Variants in EYA1 observed in about 807,000 individuals in gnomAD.
EYA1 encodes EYA transcriptional coactivator and phosphatase 1, also known as protein phosphatase EYA1.
In EYA1, 16 loss-of-function variants were observed where a neutral mutation model predicts 82.0. That is an observed-to-expected ratio of 0.20 (90% CI 0.13 to 0.30). The LOEUF (loss-of-function observed/expected upper bound fraction) is 0.30, where lower values mean the gene tolerates loss of function less well. Among genes scored for constraint, EYA1 ranks in the 10% least tolerant of loss-of-function variants. The pLI is 1.00. For missense variants in EYA1, 633 were observed against 730.7 expected (o/e 0.87, Z 1.54); for synonymous variants, 261 against 264.4 (o/e 0.99, Z 0.12).
At chr8:71,286,852 G>A (rs939152717) in intron 9 of EYA1, among the ~76,000 whole-genome samples, 3 of 147,616 alleles carry the variant, frequency 2.0e-5, no homozygotes, top group Non-Finnish European at 4.5e-5. Flanking sequence ...ATGCAGGCTG[G>A]AGTGCAGTGG....
At chr8:71,498,914 ACATCCTCCTGAGGAAGG>A (rs1811611198) in intron 2 of EYA1, among the ~76,000 whole-genome samples, 1 of 152,170 alleles carries the variant, frequency 6.6e-6, no homozygotes, top group Non-Finnish European at 1.5e-5. Flanking sequence ...TGAACTGCAA[ACATCCTCCTGAGGAAGG>A]CATCCATTAA....
chr8:71,397,356 A>G (rs1050546811), intron 2 of EYA1, among the ~76,000 whole-genome samples: 3 of 152,168 alleles, frequency 2.0e-5, no homozygotes, highest in Non-Finnish European at 4.4e-5. Context: ...TATTTTGCTC[A>G]TTAGTTGATG....
At chr8:71,491,907 A>AT (rs997516979) in intron 2 of EYA1, among the ~76,000 whole-genome samples, 76 of 148,980 alleles carry the variant, frequency 5.1e-4, no homozygotes, top group Non-Finnish European at 5.8e-4. Flanking sequence ...TAAAATGTAG[A>AT]TTTTTTTTTT....
At chr8:71,364,918 G>A (rs1195868258), upstream of EYA1, among the ~76,000 whole-genome samples, 1 of 117,998 alleles carries the variant, frequency 8.5e-6, no homozygotes, top group African/African-American at 3.3e-5. Flanking sequence ...TTAAGGGCAT[G>A]ATCAAAAAAA....
At chr8:71,429,231 G>T (rs1445677422) in intron 2 of EYA1, among the ~76,000 whole-genome samples, 1 of 152,158 alleles carries the variant, frequency 6.6e-6, no homozygotes, top group Non-Finnish European at 1.5e-5. Context: ...TGAAGGAGTA[G>T]AAAATATTTT....
chr8:71,295,087 C>T (rs1819456293), intron 9 of EYA1, among the ~76,000 whole-genome samples: 1 of 152,102 alleles, frequency 6.6e-6, no homozygotes. Flanking sequence ...AAAATTAATT[C>T]AAAATGTGTC....
chr8:71,475,277 A>G (rs1809569393), intron 2 of EYA1, among the ~76,000 whole-genome samples: 1 of 152,216 alleles, frequency 6.6e-6, no homozygotes, highest in Non-Finnish European at 1.5e-5. Context: ...TACGTGCATG[A>G]AAATGTTCCG....
At chr8:71,433,249 A>T (rs888775128) in intron 2 of EYA1, among the ~76,000 whole-genome samples, 3 of 152,226 alleles carry the variant, frequency 2.0e-5, no homozygotes, top group Non-Finnish European at 2.9e-5. Flanking sequence ...TGTTTTGCAC[A>T]TAGGAAAAGG....
chr8:71,225,157 C>T, intron 12 of EYA1: 1 of 451,432 alleles, frequency 2.2e-6, no homozygotes, highest in Non-Finnish European at 4.5e-6. Flanking sequence ...CTTACTGATG[C>T]AGAACAGCAT....
At chr8:71,286,320 G>GT (rs1242226622) in intron 9 of EYA1, among the ~76,000 whole-genome samples, 1 of 152,210 alleles carries the variant, frequency 6.6e-6, no homozygotes, top group Non-Finnish European at 1.5e-5. Flanking sequence ...AAAACAGCAA[G>GT]TGTCACAAGA....
intron 2 of EYA1, among the ~76,000 whole-genome samples, chr8:71,398,159 T>C (rs928140124): frequency 9.2e-5 from 14 of 152,188 alleles, no homozygotes; most frequent in African/African-American, 3.4e-4. Flanking sequence ...TAAGGACTTC[T>C]CTACACTGTT....
intron 2 of EYA1, among the ~76,000 whole-genome samples, chr8:71,355,238 G>A (rs988191518): frequency 1.3e-5 from 2 of 152,114 alleles, no homozygotes; most frequent in African/African-American, 2.4e-5. Flanking sequence ...TACAGTCATC[G>A]TTGTCTTTTT....
At chr8:71,393,251 C>T (rs981446352) in intron 2 of EYA1, among the ~76,000 whole-genome samples, 2 of 151,832 alleles carry the variant, frequency 1.3e-5, no homozygotes, top group Non-Finnish European at 2.9e-5. Context: ...CATATAGATT[C>T]TATCTGTATT....
chr8:71,319,113 T>C (rs764280458), intron 6 of EYA1, among the ~76,000 whole-genome samples: 8 of 149,542 alleles, frequency 5.3e-5, no homozygotes, highest in African/African-American at 1.2e-4. Context: ...CCTATACCAA[T>C]AAAATACCAA....
Position 71,199,373 on chromosome 8 carries a change from G to A in EYA1, c.1746C>T (p.Ala582=), listed in dbSNP as rs748755244. The A allele has an allele frequency of 1.2e-6, 2 of 1,613,158 alleles. No homozygotes were observed. Among genetic ancestry groups the A allele is most frequent in the Non-Finnish European group, 8.5e-7 (1 of 1,179,794 alleles). The change falls in exon 18 of 18, where the codon GCC becomes GCT. Residue 582 remains alanine, a synonymous_variant. Coordinates refer to ENST00000340726, the MANE Select transcript of EYA1 (RefSeq NM_000503.6). ...WRISSHSDLM[A]LHHALELEYL ...ACTCCAGTTCCAAGGCATGGTGCAG[G>A]GCCATGAGGTCCGAGTGGCTGGAGA... is the stretch of plus-strand genomic sequence containing the variant.
chr8:71,377,737 C>T (rs1318742117), intron 2 of EYA1, among the ~76,000 whole-genome samples: 2 of 152,176 alleles, frequency 1.3e-5, no homozygotes, highest in African/African-American at 4.8e-5. Context: ...ATACTACCTC[C>T]CAATTTCTGC....
At chr8:71,320,297 C>A (rs890528230) in intron 6 of EYA1, among the ~76,000 whole-genome samples, 1 of 152,122 alleles carries the variant, frequency 6.6e-6, no homozygotes, top group Non-Finnish European at 1.5e-5. Flanking sequence ...CTTCCAATGG[C>A]AGCACTGGTA....
At chr8:71,254,240 G>A (rs78313350) in intron 11 of EYA1, among the ~76,000 whole-genome samples, 10,392 of 105,222 alleles carry the variant, frequency 0.099, 688 homozygotes, top group African/African-American at 0.21. Context: ...ATAAAGTCTT[G>A]GCCAAAAAAA....
chr8:71,253,865 T>C (rs1330124556), intron 11 of EYA1, among the ~76,000 whole-genome samples: 1 of 150,422 alleles, frequency 6.6e-6, no homozygotes, highest in African/African-American at 2.5e-5. Flanking sequence ...AATAATACTG[T>C]AGAGCTATTC....
Sources: allele counts gnomAD v4.1 joint callset (sites outside exome capture counted in the v4.1 genomes callset), GRCh38; gene constraint gnomAD v4.1.1; transcripts MANE v1.5; gene names NCBI Gene and HGNC (gene_info 2026-07-23, HGNC 2026-07-21).